Variants in ERBB4 observed in about 807,000 individuals in gnomAD.
ERBB4 encodes receptor tyrosine-protein kinase erbB-4.
A neutral mutation model predicts 158.0 loss-of-function variants in ERBB4; 42 were observed. The ratio of observed to expected loss-of-function variants is 0.27; its 90% CI spans 0.21 to 0.34. The LOEUF is 0.34. Among genes scored for constraint, ERBB4 ranks in the 10% least tolerant of loss-of-function variants. The pLI is 1.00. For synonymous variants in ERBB4, 583 were observed against 558.7 expected (o/e 1.04, Z -0.61); for missense variants, 1,333 against 1,624.1 (o/e 0.82, Z 3.08).
At chr2:211,777,016 G>T (rs1041197544) in intron 4 of ERBB4, among the ~76,000 whole-genome samples, 1 of 152,070 alleles carries the variant, frequency 6.6e-6, no homozygotes, top group African/African-American at 2.4e-5. Flanking sequence ...TTGTTTTTGG[G>T]GTTTGGCAAG....
Position 211,376,026 on chromosome 2 carries a change from G to A in ERBB4, c.*7589C>T, listed in dbSNP as rs991052558. On this transcript the variant is annotated 3_prime_UTR_variant, in exon 28 of 28. Coordinates refer to ENST00000342788, the MANE Select transcript of ERBB4 (RefSeq NM_005235.3). ...GAAGGAGGATGGGTAAAAGGTTGGA[G>A]GAGAAGAAAGAATAAGAGAAAGTAT... The A allele has an allele frequency of 1.3e-5, 3 of 232,816 alleles. No homozygotes were observed. The highest frequency in any genetic ancestry group is 3.6e-4 in the South Asian group (2 of 5,526). The allele number at this position is 232,816 out of a possible 1,614,324, so 14.4% of individuals were successfully genotyped here.
Position 212,435,630 on chromosome 2 carries a change from T to C in ERBB4, c.82+102819A>G, listed in dbSNP as rs555406019. Among the ~76,000 whole-genome samples, 5 of 152,080 alleles carry C rather than the reference T, an allele frequency of 3.3e-5. No homozygotes were observed. The South Asian group carries it at 1.0e-3, about 31-fold the overall frequency. On this transcript the variant is annotated intron_variant, in intron 1 of 27. Transcript: ENST00000342788. ...AGAATAAAAACATTAATAAAGCCAA[T>C]GATAAAAGCTAAACTTTATCATGCA...
At position 211,630,134 on chromosome 2, in the gene ERBB4, A is replaced by G. The variant is rs369026523; in HGVS notation, c.2079+328T>C. Among the ~76,000 whole-genome samples the G allele has an allele frequency of 4.6e-4, 70 of 152,298 alleles. No individual in the cohort carries two copies. The South Asian group carries it at 0.013, about 28-fold the overall frequency. ...CAACCTACAGAATGAGATATTTTCA[A>G]TGCAGATATTTTCTAGATCTGCTGC... On this transcript the variant is annotated intron_variant, in intron 17 of 27. Coordinates refer to ENST00000342788, the MANE Select transcript of ERBB4 (RefSeq NM_005235.3).
intron 20 of ERBB4, among the ~76,000 whole-genome samples, chr2:211,479,757 C>T (rs1244778481): frequency 6.6e-6 from 1 of 152,026 alleles, no homozygotes; most frequent in African/African-American, 2.4e-5. Flanking sequence ...TCTGTTAGAA[C>T]CAATCACAAT....
rs139369720 is a variant in ERBB4, at chr2:212,500,943, T to G, written c.82+37506A>C. ...CTCTTCAATATACTAACTCTGTTCT[T>G]CCTTAAAGGGTGATTTTATTTGAAT... is the stretch of plus-strand genomic sequence containing the variant. On this transcript the variant is annotated intron_variant, in intron 1 of 27. Coordinates refer to ENST00000342788, the MANE Select transcript of ERBB4 (RefSeq NM_005235.3). Among the ~76,000 whole-genome samples the G allele has an allele frequency of 3.1e-3, 473 of 150,920 alleles. 1 individual carries two copies. The highest frequency in any genetic ancestry group is 5.2e-3 in the Non-Finnish European group (351 of 67,944).
intron 20 of ERBB4, among the ~76,000 whole-genome samples, chr2:211,524,834 G>C (rs182819953): frequency 1.4e-5 from 2 of 142,116 alleles, no homozygotes; most frequent in African/African-American, 3.1e-5. Flanking sequence ...ACAGTGCAGC[G>C]GTGGGCTGAA....
At chr2:212,092,250 A>G (rs1326066575) in intron 2 of ERBB4, among the ~76,000 whole-genome samples, 1 of 152,226 alleles carries the variant, frequency 6.6e-6, no homozygotes, top group Non-Finnish European at 1.5e-5. Flanking sequence ...ATTGTAGAAC[A>G]GGATAGACTA....
intron 1 of ERBB4, among the ~76,000 whole-genome samples, chr2:212,129,844 T>A (rs1325647320): frequency 6.6e-6 from 1 of 152,110 alleles, no homozygotes; most frequent in African/African-American, 2.4e-5. Context: ...TTAGTAGATA[T>A]TTTTGTCTCA....
intron 19 of ERBB4, among the ~76,000 whole-genome samples, chr2:211,582,465 CCA>C (rs1450086662): frequency 6.6e-6 from 1 of 151,976 alleles, no homozygotes; most frequent in Non-Finnish European, 1.5e-5. Flanking sequence ...TGAGATGGAA[CCA>C]GGACTAGAAG....
intron 1 of ERBB4, among the ~76,000 whole-genome samples, chr2:212,208,269 T>C (rs2082826196): frequency 6.6e-6 from 1 of 152,166 alleles, no homozygotes; most frequent in African/African-American, 2.4e-5. Flanking sequence ...TGCCTTTTAT[T>C]GCTTTAGGTT....
At chr2:211,999,680 T>C (rs16847462) in intron 2 of ERBB4, among the ~76,000 whole-genome samples, 16,239 of 151,828 alleles carry the variant, frequency 0.11, 1,363 homozygotes, top group African/African-American at 0.23. Flanking sequence ...TAAACTAAAT[T>C]AATTGTAGCT....
At chr2:211,387,530 C>T (rs914729305) in intron 26 of ERBB4, among the ~76,000 whole-genome samples, 2 of 152,114 alleles carry the variant, frequency 1.3e-5, no homozygotes, top group African/African-American at 2.4e-5. Context: ...AATAGAAGTA[C>T]ATGGATATAT....
At chr2:212,142,082 C>T (rs4436899) in intron 1 of ERBB4, among the ~76,000 whole-genome samples, 152,186 of 152,308 alleles carry the variant, frequency 1, 76,035 homozygotes, top group Non-Finnish European at 1. Flanking sequence ...TCTTTGAACA[C>T]TGCTATAAAA....
intron 1 of ERBB4, among the ~76,000 whole-genome samples, chr2:212,439,352 G>A (rs1302518741): frequency 2.0e-5 from 3 of 152,030 alleles, no homozygotes; most frequent in Non-Finnish European, 2.9e-5. Flanking sequence ...ACTTTATCAG[G>A]TTTTCCATTA....
chr2:212,457,713 C>T (rs1688369361), intron 1 of ERBB4, among the ~76,000 whole-genome samples: 1 of 151,950 alleles, frequency 6.6e-6, no homozygotes. Context: ...TTGGCTAGAA[C>T]CATTTGAAAG....
chr2:211,831,595 G>A (rs1419101843), intron 3 of ERBB4, among the ~76,000 whole-genome samples: 4 of 152,098 alleles, frequency 2.6e-5, no homozygotes, highest in Non-Finnish European at 4.4e-5. Context: ...GTATGATTTA[G>A]TTACTTAAAA....
intron 2 of ERBB4, among the ~76,000 whole-genome samples, chr2:211,962,124 T>C (rs1211956565): frequency 6.6e-6 from 1 of 152,234 alleles, no homozygotes; most frequent in Non-Finnish European, 1.5e-5. Context: ...ACTTAAGCTA[T>C]GTATTCATTT....
At chr2:212,437,302 C>T (rs2092159163) in intron 1 of ERBB4, among the ~76,000 whole-genome samples, 1 of 151,974 alleles carries the variant, frequency 6.6e-6, no homozygotes, top group South Asian at 2.1e-4. Flanking sequence ...CTTACTCCTA[C>T]CTGCTCTCAA....
intron 8 of ERBB4, among the ~76,000 whole-genome samples, chr2:211,713,136 C>T (rs1228392345): frequency 6.6e-6 from 1 of 151,934 alleles, no homozygotes; most frequent in African/African-American, 2.4e-5. Flanking sequence ...AATTTCATGC[C>T]CCTCTGGATC....
Sources: gnomAD v4.1 joint callset for allele counts (sites outside exome capture counted in the v4.1 genomes callset) on GRCh38, gnomAD v4.1.1 for gene constraint, MANE v1.5 for transcripts, NCBI Gene and HGNC (gene_info 2026-07-23, HGNC 2026-07-21) for gene names.